The following CWC22 variants were observed in gnomAD, a reference collection of about 807,000 sequenced individuals.
The protein encoded by CWC22 is CWC22 spliceosome associated protein, also known as pre-mRNA-splicing factor CWC22 homolog.
In CWC22, 53 loss-of-function variants were observed where a neutral mutation model predicts 117.2. The observed-to-expected ratio is 0.45, with a 90% CI of 0.36 to 0.57. The LOEUF (loss-of-function observed/expected upper bound fraction) is 0.57. Among genes scored for constraint, CWC22 ranks in the 20% least tolerant of loss-of-function variants. The probability of loss-of-function intolerance (pLI) is 0.00; values close to 1 mark genes in which losing one functional copy is unlikely to be tolerated. For synonymous variants in CWC22, 360 were observed against 355.6 expected (o/e 1.01, Z -0.14); for missense variants, 980 against 1,068.8 (o/e 0.92, Z 1.16).
intron 1 of CWC22, among the ~76,000 whole-genome samples, chr2:179,999,318 G>C (rs1687787555): frequency 6.6e-6 from 1 of 151,994 alleles, no homozygotes; most frequent in Admixed American, 6.6e-5. Flanking sequence ...ATTTTATGGT[G>C]AATTATTAAA....
rs1244061960 is a variant in CWC22, at chr2:179,993,426, A to G, written c.-85T>C. On this transcript the variant is annotated 5_prime_UTR_variant, in exon 2 of 20. Coordinates refer to ENST00000410053, the MANE Select transcript of CWC22 (RefSeq NM_020943.3). ...TACCCAATGCTCTGAATTCCTTGAC[A>G]GTTTACTTTTTCTGTCTGCAAACAT... The G allele has an allele frequency of 1.0e-6, 1 of 964,712 alleles. No individual in the cohort carries two copies. Among genetic ancestry groups the G allele is most frequent in the Non-Finnish European group, 1.6e-6 (1 of 618,112 alleles). 59.8% of individuals were successfully genotyped at this position (964,712 alleles called of 1,614,324 possible).
Position 179,954,365 on chromosome 2 carries a change from AT to A in CWC22, c.1537-9del, listed in dbSNP as rs1306447324. ...CTTTAGCATGCAAAATCGCTAATAA[AT>A]AAAAAATCAGTACCATTAAAAATTG... On this transcript the variant is annotated splice_polypyrimidine_tract_variant and intron_variant, in intron 15 of 19. Transcript: ENST00000410053. 1.3e-6 allele frequency: 2 copies of A among 1,536,370 alleles called. No homozygotes were observed. Among genetic ancestry groups the A allele is most frequent in the African/African-American group, 2.7e-5 (2 of 73,070 alleles).
intron 14 of CWC22, 143 bp downstream of exon 14, chr2:179,958,879 C>G (rs1353462504): frequency 1.9e-6 from 1 of 537,164 alleles, no homozygotes; most frequent in African/African-American, 1.9e-5. Context: ...TTTGTGTTAA[C>G]TTAAAATGAT....
Position 179,955,108 on chromosome 2 carries a change from T to C in CWC22, c.1459-74A>G, listed in dbSNP as rs1196911900. ...AATATTGTATAATTTACCAGTATGA[T>C]AGTGACTGCCTGCATTTTTAAATAA... On this transcript the variant is annotated intron_variant, in intron 14 of 19. Coordinates refer to ENST00000410053, the MANE Select transcript of CWC22 (RefSeq NM_020943.3). 6 of 1,055,784 alleles carry C rather than the reference T, an allele frequency of 5.7e-6. No individual in the cohort carries two copies. In the East Asian group the frequency reaches 1.0e-4, roughly 18 times the overall value. The allele number at this position is 1,055,784 out of a possible 1,614,324, so 65.4% of individuals were successfully genotyped here. A position where few individuals can be genotyped will look rare whatever the true frequency, so the allele number is the denominator to read the frequency against.
chr2:179,956,386 T>C (rs1432085417), intron 14 of CWC22, among the ~76,000 whole-genome samples: 1 of 151,426 alleles, frequency 6.6e-6, no homozygotes, highest in Non-Finnish European at 1.5e-5. Context: ...TAGTCATATT[T>C]CAAGTACTCA....
chr2:179,970,813 A>T lies in CWC22; in HGVS notation c.984T>A (p.Ile328=). 1 of 1,613,782 alleles carries T rather than the reference A, an allele frequency of 6.2e-7. No homozygotes were observed. Among genetic ancestry groups the T allele is most frequent in the Non-Finnish European group, 8.5e-7 (1 of 1,179,742 alleles). The change falls in exon 10 of 20, where the codon ATT becomes ATA. Residue 328 remains isoleucine, a synonymous_variant. Coordinates refer to ENST00000410053, the MANE Select transcript of CWC22 (RefSeq NM_020943.3). ...CAATCATATATTGAACTCTTTTGTCAATTTCAGACTCATGCAGAATGTTTC... is the reference window on the plus strand; with the variant it reads ...CAATCATATATTGAACTCTTTTGTCTATTTCAGACTCATGCAGAATGTTTC... The part of the protein sequence containing the change: ...RLRNILHESE[I]DKRVQYMIEV...
chr2:179,959,919 AAAAAT>A (rs1440443555), intron 13 of CWC22, among the ~76,000 whole-genome samples: 1 of 152,066 alleles, frequency 6.6e-6, no homozygotes, highest in African/African-American at 2.4e-5. Flanking sequence ...AGGCAAAAAT[AAAAAT>A]AAGAGGTATA....
At chr2:179,945,759 T>C (rs1376118840) in intron 19 of CWC22, 44 bp from the exon 20 acceptor site, 1 of 1,164,152 alleles carries the variant, frequency 8.6e-7, no homozygotes, top group East Asian at 2.4e-5. Flanking sequence ...ATTTCAATCT[T>C]AATTTCATAA....
chr2:179,995,767 TA>T (rs1178881629), intron 1 of CWC22, among the ~76,000 whole-genome samples: 1 of 152,196 alleles, frequency 6.6e-6, no homozygotes, highest in Non-Finnish European at 1.5e-5. Context: ...ATGAGTGAGT[TA>T]TCCCATTTAA....
At chr2:179,977,587 G>C (rs1687182967) in intron 6 of CWC22, among the ~76,000 whole-genome samples, 1 of 152,082 alleles carries the variant, frequency 6.6e-6, no homozygotes, top group Non-Finnish European at 1.5e-5. Flanking sequence ...TTTAGATGTT[G>C]GTCAATGGAC....
intron 12 of CWC22, 23 bp from the exon 13 acceptor site, chr2:179,964,651 A>T: frequency 8.2e-7 from 1 of 1,226,446 alleles, no homozygotes; most frequent in African/African-American, 1.5e-5. Context: ...TAACAAAATT[A>T]CACAACTGCA....
At chr2:179,948,142 A>G (rs1219635721) in intron 19 of CWC22, among the ~76,000 whole-genome samples, 3 of 152,222 alleles carry the variant, frequency 2.0e-5, no homozygotes, top group Non-Finnish European at 4.4e-5. Context: ...AAAATGTTGC[A>G]TTGAAAAATG....
rs867750633 is a variant in CWC22, at chr2:179,973,206, A to G, written c.791T>C (p.Ile264Thr). 18 of 1,600,750 alleles carry G rather than the reference A, an allele frequency of 1.1e-5. No individual in the cohort carries two copies. The Admixed American group carries it at 1.7e-4, about 15-fold the overall frequency. Residue 264 changes from isoleucine to threonine, a missense_variant, in exon 8 of 20, where the codon ATT (isoleucine) becomes ACT (threonine). By Grantham distance (89) the Ile-to-Thr change is moderately conservative. Around this residue, in one of 3 missense-constraint regions of CWC22, gnomAD observed 559 missense variants for 602.3 expected, o/e 0.93. Coordinates refer to ENST00000410053, the MANE Select transcript of CWC22 (RefSeq NM_020943.3). The stretch of plus-strand genomic sequence containing the variant: ...ATAATTACTTACCACATTTTGGTTA[A>G]TAAGATGCGCCACAAATTTTGAAGC... ...LTASKFVAHL[I>T]NQNVAHEVLC...
chr2:180,006,659 A>G (rs1687984569), intron 1 of CWC22, among the ~76,000 whole-genome samples: 1 of 152,000 alleles, frequency 6.6e-6, no homozygotes, highest in Admixed American at 6.6e-5. Flanking sequence ...CATTAATCCC[A>G]CTCCCCTGAC....
intron 5 of CWC22, 122 bp from the exon 6 acceptor site, chr2:179,978,440 G>A: frequency 9.3e-7 from 1 of 1,077,366 alleles, no homozygotes; most frequent in Non-Finnish European, 1.2e-6. Context: ...CGACCCCCAA[G>A]TACAGTAAAA....
intron 5 of CWC22, 147 bp from the exon 6 acceptor site, chr2:179,978,465 C>T: frequency 1.2e-6 from 1 of 835,092 alleles, no homozygotes; most frequent in East Asian, 3.3e-5. Context: ...TGATGCCTAT[C>T]AGGATAAATA....
chr2:179,971,014 G>A lies in CWC22; in HGVS notation c.867C>T (p.Ser289=), dbSNP rs774084899. 23 of 1,610,436 alleles carry A rather than the reference G, an allele frequency of 1.4e-5. No individual in the cohort carries two copies. In the South Asian group the frequency reaches 1.5e-4, roughly 11 times the overall value. The change falls in exon 9 of 20, where the codon AGC becomes AGT. Residue 289 remains serine (S), a synonymous_variant. Transcript: ENST00000410053. ...TAAGAAAACCAATAGCTACTTCAACGCTATCATCTGTTGGTCTTTCCAGGA... is the reference window on the plus strand; with the variant it reads ...TAAGAAAACCAATAGCTACTTCAACACTATCATCTGTTGGTCTTTCCAGGA... ...TLLLERPTDD[S]VEVAIGFLKE...
chr2:179,987,480 G>A (rs898981447), intron 3 of CWC22, among the ~76,000 whole-genome samples: 1 of 152,116 alleles, frequency 6.6e-6, no homozygotes, highest in Non-Finnish European at 1.5e-5. Flanking sequence ...GTGTGTCTGT[G>A]TGTAAAGAGT....
At chr2:179,979,105 A>T (rs1329015634) in intron 5 of CWC22, among the ~76,000 whole-genome samples, 1 of 152,130 alleles carries the variant, frequency 6.6e-6, no homozygotes, top group Non-Finnish European at 1.5e-5. Context: ...GGAAGTCTTA[A>T]CCTTTTTTCT....
Sources: gnomAD v4.1 joint callset for allele counts (sites outside exome capture counted in the v4.1 genomes callset) on GRCh38, gnomAD v4.1.1 for gene constraint, gnomAD v4.1.1 regional missense constraint, MANE v1.5 for transcripts, NCBI Gene and HGNC (gene_info 2026-07-23, HGNC 2026-07-21) for gene names.